PABPC4L: variants seen among roughly 807,000 people sequenced by gnomAD.
The protein encoded by PABPC4L is poly(A) binding protein cytoplasmic 4 like.
For missense variants in PABPC4L, 452 were observed against 451.4 expected, an observed-to-expected ratio of 1.00 and a Z score of -0.01; for synonymous variants, 169 against 164.1, an observed-to-expected ratio of 1.03 and a Z score of -0.23.
chr4:134,183,802 C>T, the PABPC4L span, among the ~76,000 whole-genome samples: 1 of 151,104 alleles, frequency 6.6e-6, no homozygotes, highest in African/African-American at 2.4e-5. Context: ...AGAAGAAGAC[C>T]AATAAATTGA....
the PABPC4L span, among the ~76,000 whole-genome samples, chr4:134,167,757 T>C: frequency 6.6e-6 from 1 of 151,960 alleles, no homozygotes; most frequent in South Asian, 2.1e-4. Context: ...TAAATATATA[T>C]GCACTCAATA....
chr4:134,052,364 AT>A, the PABPC4L span, among the ~76,000 whole-genome samples: 1 of 152,060 alleles, frequency 6.6e-6, no homozygotes, highest in Admixed American at 6.6e-5. Flanking sequence ...GTGAAGTTGT[AT>A]TTTTATTTCC....
chr4:134,086,671 T>C, the PABPC4L span, among the ~76,000 whole-genome samples: 1 of 151,912 alleles, frequency 6.6e-6, no homozygotes, highest in African/African-American at 2.4e-5. Context: ...CAGGGACCTA[T>C]GTGGCACCTC....
chr4:134,109,887 G>A, the PABPC4L span, among the ~76,000 whole-genome samples: 10 of 151,936 alleles, frequency 6.6e-5, no homozygotes, highest in East Asian at 5.8e-4. Flanking sequence ...GACTGCAGGC[G>A]TGTGCCACCC....
At chr4:134,054,297 C>G in the PABPC4L span, among the ~76,000 whole-genome samples, 2 of 115,738 alleles carry the variant, frequency 1.7e-5, no homozygotes, top group Admixed American at 2.0e-4. Flanking sequence ...TATAGTTATG[C>G]TAGTAGTTTT....
the PABPC4L span, among the ~76,000 whole-genome samples, chr4:134,088,059 C>T: frequency 3.7e-4 from 57 of 152,110 alleles, no homozygotes; most frequent in African/African-American, 1.3e-3. Context: ...CACCTAAGAG[C>T]TCAGGCCTCT....
At chr4:134,178,482 AGAGTG>A in the PABPC4L span, among the ~76,000 whole-genome samples, 54 of 74,758 alleles carry the variant, frequency 7.2e-4, no homozygotes, top group African/African-American at 5.3e-3. Context: ...TCAAAAAGCC[AGAGTG>A]TTTTTTTACC....
At chr4:134,162,214 C>T in the PABPC4L span, among the ~76,000 whole-genome samples, 1 of 151,982 alleles carries the variant, frequency 6.6e-6, no homozygotes, top group Non-Finnish European at 1.5e-5. Context: ...AACAAAATGA[C>T]AGTAATAAGT....
At chr4:134,051,055 T>C in the PABPC4L span, among the ~76,000 whole-genome samples, 1 of 152,132 alleles carries the variant, frequency 6.6e-6, no homozygotes, top group Non-Finnish European at 1.5e-5. Flanking sequence ...ATTAAGTCTC[T>C]AATTATTAAA....
At chr4:133,948,765 C>T in the PABPC4L span, among the ~76,000 whole-genome samples, 4 of 152,264 alleles carry the variant, frequency 2.6e-5, no homozygotes, top group East Asian at 3.9e-4. Context: ...GCATAACAGT[C>T]GCTTTTGTTG....
At chr4:134,050,653 C>G in the PABPC4L span, among the ~76,000 whole-genome samples, 1 of 136,692 alleles carries the variant, frequency 7.3e-6, no homozygotes, top group African/African-American at 2.8e-5. Context: ...TGCAGTGAGC[C>G]GAGATGATGC....
the PABPC4L span, among the ~76,000 whole-genome samples, chr4:134,022,478 T>C: frequency 5.3e-5 from 8 of 152,108 alleles, no homozygotes; most frequent in Admixed American, 2.0e-4. Context: ...CTGTGTAATG[T>C]AAATTCATAG....
At chr4:134,077,741 T>A in the PABPC4L span, among the ~76,000 whole-genome samples, 1 of 152,200 alleles carries the variant, frequency 6.6e-6, no homozygotes, top group African/African-American at 2.4e-5. Flanking sequence ...TTTTCTCTAT[T>A]TCCAGTATTC....
At chr4:133,975,738 A>C in the PABPC4L span, among the ~76,000 whole-genome samples, 1 of 152,132 alleles carries the variant, frequency 6.6e-6, no homozygotes, top group African/African-American at 2.4e-5. Context: ...GACATAGTGA[A>C]TCCACTGTAT....
At chr4:134,025,692 T>TA in the PABPC4L span, among the ~76,000 whole-genome samples, 1 of 152,166 alleles carries the variant, frequency 6.6e-6, no homozygotes, top group South Asian at 2.1e-4. Flanking sequence ...TATATATAGG[T>TA]AAATTTTCTG....
At chr4:134,113,528 G>A in the PABPC4L span, among the ~76,000 whole-genome samples, 1 of 151,856 alleles carries the variant, frequency 6.6e-6, no homozygotes, top group Admixed American at 6.6e-5. Context: ...TGTGTAGTAG[G>A]CTATACCATC....
chr4:134,171,984 G>C, the PABPC4L span, among the ~76,000 whole-genome samples: 15 of 151,466 alleles, frequency 9.9e-5, no homozygotes, highest in African/African-American at 3.4e-4. Context: ...TCTACAATGA[G>C]AATTACAAAC....
the PABPC4L span, among the ~76,000 whole-genome samples, chr4:134,095,152 C>T: frequency 6.6e-6 from 1 of 151,650 alleles, no homozygotes; most frequent in Non-Finnish European, 1.5e-5. Flanking sequence ...TTCTTTATCT[C>T]CTTTGCCTAA....
At chr4:134,003,275 G>C in the PABPC4L span, among the ~76,000 whole-genome samples, 1 of 151,866 alleles carries the variant, frequency 6.6e-6, no homozygotes, top group African/African-American at 2.4e-5. Context: ...ATGTCCATTA[G>C]AAACACTTAC....
Sources: gnomAD v4.1 joint callset for allele counts (sites outside exome capture counted in the v4.1 genomes callset) on GRCh38, gnomAD v4.1.1 for gene constraint, MANE v1.5 for transcripts, NCBI Gene and HGNC (gene_info 2026-07-23, HGNC 2026-07-21) for gene names.